The following NAA16 variants were observed in gnomAD, a reference collection of about 807,000 sequenced individuals.
NAA16 encodes N-alpha-acetyltransferase 16, NatA auxiliary subunit.
A neutral mutation model predicts 110.3 loss-of-function variants in NAA16; 97 were observed. The ratio of observed to expected loss-of-function variants is 0.88; its 90% confidence interval spans 0.75 to 1.04. The LOEUF (loss-of-function observed/expected upper bound fraction) is 1.04. NAA16 is among the 50% of genes least tolerant of loss of function. NAA16 has a pLI of 0.00. For missense variants in NAA16, 1,017 were observed against 1,005.1 expected (o/e 1.01, Z -0.16); for synonymous variants, 372 against 330.6 (o/e 1.13, Z -1.36).
chr13:41,323,977 T>C (rs897033959), intron 5 of NAA16, among the ~76,000 whole-genome samples: 1 of 152,216 alleles, frequency 6.6e-6, no homozygotes, highest in Non-Finnish European at 1.5e-5. Flanking sequence ...TCTGTAGTAA[T>C]TTCCTCTTTA....
intron 9 of NAA16, among the ~76,000 whole-genome samples, chr13:41,351,947 G>A (rs565574124): frequency 6.6e-6 from 1 of 152,262 alleles, no homozygotes; most frequent in South Asian, 2.1e-4. Flanking sequence ...AATATAAATG[G>A]TAAGTAAACT....
At chr13:41,360,835 C>A (rs981169187) in intron 12 of NAA16, among the ~76,000 whole-genome samples, 11 of 152,244 alleles carry the variant, frequency 7.2e-5, no homozygotes, top group South Asian at 6.2e-4. Context: ...TTGGATAGTT[C>A]TAGTTGATAA....
chr13:41,340,737 T>C (rs2042519802), intron 9 of NAA16, among the ~76,000 whole-genome samples: 1 of 138,014 alleles, frequency 7.2e-6, no homozygotes, highest in African/African-American at 2.7e-5. Flanking sequence ...AGTGCAGTGG[T>C]GCGATCTCGG....
chr13:41,350,840 G>T (rs996783258), intron 9 of NAA16, among the ~76,000 whole-genome samples: 1 of 152,038 alleles, frequency 6.6e-6, no homozygotes, highest in African/African-American at 2.4e-5. Context: ...GCCCAGGCTG[G>T]TCTTGGGCTC....
At chr13:41,346,254 C>T (rs955671571) in intron 9 of NAA16, among the ~76,000 whole-genome samples, 2 of 152,198 alleles carry the variant, frequency 1.3e-5, no homozygotes, top group Admixed American at 6.5e-5. Flanking sequence ...CCCTGTTGAA[C>T]GATCTTGGCA....
At position 41,336,732 on chromosome 13, in the gene NAA16, A is replaced by G. The variant is rs772613082; in HGVS notation, c.990A>G (p.Lys330=). 3.6e-5 allele frequency: 58 copies of G among 1,604,804 alleles called. No individual in the cohort carries two copies. Among genetic ancestry groups the G allele is most frequent in the Non-Finnish European group, 4.9e-5 (58 of 1,173,960 alleles). ...GCCCACCCTTGTTTACTACTTTGAA[A>G]TCTTTATATTACAATACAGAAAAGG... ...KGCPPLFTTL[K]SLYYNTEKVS... is the part of the protein sequence containing the mutation. Residue 330 remains lysine (K), a synonymous_variant, in exon 9 of 20, where the codon AAA becomes AAG. Transcript: ENST00000379406.
chr13:41,340,706 C>T (rs572694774), intron 9 of NAA16, among the ~76,000 whole-genome samples: 1 of 112,372 alleles, frequency 8.9e-6, no homozygotes, highest in Non-Finnish European at 1.7e-5. Flanking sequence ...GACGGAGTCT[C>T]TCTCATTGCG....
At chr13:41,316,966 C>A (rs1053134516) in intron 2 of NAA16, 36 bp downstream of exon 2, 3 of 1,417,780 alleles carry the variant, frequency 2.1e-6, no homozygotes, top group South Asian at 2.3e-5. Flanking sequence ...TTAGGGAAAT[C>A]AAATTCTAAA....
intron 9 of NAA16, among the ~76,000 whole-genome samples, chr13:41,349,559 G>A (rs1043303225): frequency 2.0e-5 from 3 of 151,884 alleles, no homozygotes; most frequent in African/African-American, 7.3e-5. Flanking sequence ...AGGAAAAACA[G>A]GTTTTCTTGA....
In NAA16 at chr13:41,336,768, T is replaced by C. The variant is rs1364540473; in HGVS notation, c.1014+12T>C. ...ACAATACAGAAAAGGTAAAATTTGG[T>C]ATTTATTCAGATTTGCTATAGTCTT... is the stretch of plus-strand genomic sequence containing the variant. On this transcript the variant is annotated intron_variant, in intron 9 of 19. Coordinates refer to ENST00000379406, the MANE Select transcript of NAA16 (RefSeq NM_024561.5). The C allele has an allele frequency of 1.4e-6, 2 of 1,479,924 alleles. No homozygotes were observed. Among genetic ancestry groups the C allele is most frequent in the East Asian group, 2.3e-5 (1 of 43,744 alleles). 91.7% of individuals were successfully genotyped at this position (1,479,924 alleles called of 1,614,324 possible). A position where few individuals can be genotyped will look rare whatever the true frequency, so the allele number is the denominator to read the frequency against.
chr13:41,369,310 A>T, intron 15 of NAA16, 27 bp downstream of exon 15: 1 of 1,494,364 alleles, frequency 6.7e-7, no homozygotes, highest in Non-Finnish European at 8.9e-7. Flanking sequence ...TATCTTTGTT[A>T]TTTGGTAAAA....
At chr13:41,319,542 A>T (rs2041893987) in intron 3 of NAA16, among the ~76,000 whole-genome samples, 1 of 151,588 alleles carries the variant, frequency 6.6e-6, no homozygotes, top group South Asian at 2.1e-4. Flanking sequence ...GGGGGGAGGG[A>T]GTCTCACTCT....
intron 9 of NAA16, among the ~76,000 whole-genome samples, chr13:41,352,784 C>T (rs1455525044): frequency 6.6e-6 from 1 of 151,872 alleles, no homozygotes; most frequent in East Asian, 1.9e-4. Flanking sequence ...TACCTTTTTT[C>T]CCCCGTAATC....
chr13:41,362,237 G>A (rs148613165), intron 13 of NAA16, 78 bp downstream of exon 13: 4 of 1,443,608 alleles, frequency 2.8e-6, no homozygotes, highest in East Asian at 2.4e-5. Context: ...AGGATCATCT[G>A]CCTCTTCTAA....
intron 3 of NAA16, 40 bp downstream of exon 3, chr13:41,318,950 A>G: frequency 7.6e-7 from 1 of 1,311,810 alleles, no homozygotes; most frequent in Non-Finnish European, 1.0e-6. Flanking sequence ...TGTTTTAGCT[A>G]GTTTTTTCCT....
intron 9 of NAA16, among the ~76,000 whole-genome samples, chr13:41,343,301 G>A (rs1205413281): frequency 6.6e-6 from 1 of 151,958 alleles, no homozygotes; most frequent in Non-Finnish European, 1.5e-5. Context: ...TATTGTTCAC[G>A]CTGATCTCAA....
At chr13:41,329,483 C>G (rs1336755049) in intron 7 of NAA16, among the ~76,000 whole-genome samples, 1 of 149,820 alleles carries the variant, frequency 6.7e-6, no homozygotes, top group Non-Finnish European at 1.5e-5. Context: ...ATGAAGTTGG[C>G]TCAAAGATGT....
chr13:41,321,914 G>C lies in NAA16; in HGVS notation c.402+1090G>C, dbSNP rs74417948. ...TTTTTGCAGCCACTTTAAGGGCTCT[G>C]CTGAACTTACTATAATAATAATGGC... is the stretch of plus-strand genomic sequence containing the variant. On this transcript the variant is annotated intron_variant, in intron 4 of 19. Transcript: ENST00000379406. Among the ~76,000 whole-genome samples, 437 of 152,236 alleles carry C rather than the reference G, an allele frequency of 2.9e-3. 4 individuals are homozygous for C. The highest frequency in any genetic ancestry group is 9.9e-3 in the African/African-American group (411 of 41,516).
At chr13:41,322,235 T>G (rs926521059) in intron 4 of NAA16, among the ~76,000 whole-genome samples, 4 of 152,008 alleles carry the variant, frequency 2.6e-5, no homozygotes, top group Non-Finnish European at 5.9e-5. Context: ...AAAGGAGAGC[T>G]GGTGGTGAAA....
Sources: gnomAD v4.1 joint callset for allele counts (sites outside exome capture counted in the v4.1 genomes callset) on GRCh38, gnomAD v4.1.1 for gene constraint, MANE v1.5 for transcripts, NCBI Gene and HGNC (gene_info 2026-07-23, HGNC 2026-07-21) for gene names.